STT3A: variants seen among roughly 807,000 people sequenced by gnomAD.
STT3A encodes the protein dolichyl-diphosphooligosaccharide--protein glycosyltransferase subunit STT3A.
In STT3A, 34 loss-of-function variants were observed where a neutral mutation model predicts 89.2. The ratio of observed to expected loss-of-function variants is 0.38; its 90% CI spans 0.29 to 0.51. The LOEUF is 0.51. Ranked by LOEUF, STT3A falls within the 20% of genes least tolerant of loss-of-function variation. The pLI is 0.89. For synonymous variants in STT3A, 282 were observed against 310.3 expected (o/e 0.91, Z 0.96); for missense variants, 555 against 889.5 (o/e 0.62, Z 4.78).
At position 125,620,845 on chromosome 11, in the gene STT3A, G is replaced by A. The variant is rs758313015; in HGVS notation, c.*35G>A. 1 of 1,536,100 alleles carries A rather than the reference G, an allele frequency of 6.5e-7. No homozygotes were observed. Among genetic ancestry groups the A allele is most frequent in the South Asian group, 1.2e-5 (1 of 85,324 alleles). ...CCAGCTCTGATATGCTTCGCACTGA[G>A]CACATCACATTTAGGACGTTGAAGA... On this transcript the variant is annotated 3_prime_UTR_variant, in exon 18 of 18. Coordinates refer to ENST00000392708, the MANE Select transcript of STT3A (RefSeq NM_152713.5).
chr11:125,596,340 C>T (rs1939496120), intron 2 of STT3A, among the ~76,000 whole-genome samples: 1 of 152,128 alleles, frequency 6.6e-6, no homozygotes, highest in Admixed American at 6.5e-5. Context: ...TGGTGGATGC[C>T]TGTATTCCCA....
In STT3A at chr11:125,619,726, A is replaced by G. The variant is rs540723; in HGVS notation, c.1964-285A>G. On this transcript the variant is annotated intron_variant, in intron 16 of 17. Transcript: ENST00000392708. ...GGGTTGCTAGTGTATTAGAGGCTCT[A>G]AATGACAATCCTCAGGAATAGAGGG... is the stretch of plus-strand genomic sequence containing the variant. Among the ~76,000 whole-genome samples, 131,075 of 152,094 alleles carry G rather than the reference A, an allele frequency of 0.86. 56,579 individuals are homozygous for G. Among genetic ancestry groups the G allele is most frequent in the South Asian group, 0.95 (4,598 of 4,820 alleles).
chr11:125,592,594 C>G, upstream of STT3A: 4 of 425,786 alleles, frequency 9.4e-6, no homozygotes, highest in Non-Finnish European at 1.4e-5. Context: ...GGCCCTCAAC[C>G]AAACTGCTTG....
At chr11:125,612,140 T>G (rs1940044441) in intron 11 of STT3A, among the ~76,000 whole-genome samples, 1 of 152,088 alleles carries the variant, frequency 6.6e-6, no homozygotes, top group Non-Finnish European at 1.5e-5. Context: ...CCTCCCAAAG[T>G]GCTGGGATTA....
At chr11:125,609,856 C>T (rs914418846) in intron 10 of STT3A, 9 of 396,386 alleles carry the variant, frequency 2.3e-5, no homozygotes, top group African/African-American at 8.3e-5. Context: ...ATTTTTACTC[C>T]GGTTTTGTTT....
At chr11:125,610,418 G>T (rs1939969470) in intron 10 of STT3A, among the ~76,000 whole-genome samples, 1 of 152,086 alleles carries the variant, frequency 6.6e-6, no homozygotes, top group Non-Finnish European at 1.5e-5. Flanking sequence ...AAAAATATAT[G>T]TAAATAAATA....
At chr11:125,607,712 G>A (rs1373626848) in intron 8 of STT3A, among the ~76,000 whole-genome samples, 1 of 152,250 alleles carries the variant, frequency 6.6e-6, no homozygotes, top group Non-Finnish European at 1.5e-5. Flanking sequence ...GAATGATTAA[G>A]TGCTAGAAGA....
chr11:125,597,042 C>T lies in STT3A; in HGVS notation c.89-17C>T, dbSNP rs758759795. On this transcript the variant is annotated splice_polypyrimidine_tract_variant and intron_variant, in intron 2 of 17. Coordinates refer to ENST00000392708, the MANE Select transcript of STT3A (RefSeq NM_152713.5). ...TGGCACATTACCAATAAAATATTAA[C>T]TCTCTGGTTTTTGCAGCCTTCTCCA... 14 of 1,613,784 alleles carry T rather than the reference C, an allele frequency of 8.7e-6. No individual in the cohort carries two copies. In the South Asian group the frequency reaches 1.5e-4, roughly 18 times the overall value.
At chr11:125,619,832 C>T (rs1190981753) in intron 16 of STT3A, among the ~76,000 whole-genome samples, 179 bp from the exon 17 acceptor site, 1 of 152,154 alleles carries the variant, frequency 6.6e-6, no homozygotes, top group African/African-American at 2.4e-5. Flanking sequence ...AGAACTTAAG[C>T]TAGGGTAACA....
intron 6 of STT3A, among the ~76,000 whole-genome samples, chr11:125,605,097 T>G (rs554026031): frequency 3.5e-4 from 50 of 144,804 alleles, no homozygotes; most frequent in Admixed American, 8.2e-4. Flanking sequence ...AGACCCTGTT[T>G]TTGTTGTTGT....
At chr11:125,592,623 C>A, upstream of STT3A, 1 of 391,876 alleles carries the variant, frequency 2.6e-6, no homozygotes, top group South Asian at 1.9e-5. Flanking sequence ...TCTTTCCGCG[C>A]TCTTGACTCC....
Position 125,604,212 on chromosome 11 carries a change from T to A in STT3A, c.473T>A (p.Ile158Asn). The change falls in exon 6 of 18, where the codon ATC becomes AAC. Residue 158 changes from isoleucine to asparagine, a missense_variant. This residue lies in a region of STT3A where 129 missense variants were observed against 193.2 expected (regional missense o/e 0.67). Transcript: ENST00000392708. ...AAMIAVVPGY[I>N]SRSVAGSYDN... is the part of the protein sequence containing the mutation. ...ATGATTGCTGTAGTTCCTGGATATA[T>A]CTCCCGATCTGTGGCTGGCTCCTAT... The A allele has an allele frequency of 6.2e-7, 1 of 1,614,064 alleles. No individual in the cohort carries two copies. The highest frequency in any genetic ancestry group is 8.5e-7 in the Non-Finnish European group (1 of 1,179,954).
chr11:125,618,434 C>G lies in STT3A; in HGVS notation c.1836C>G (p.Ile612Met). The G allele has an allele frequency of 6.2e-7, 1 of 1,613,382 alleles. No homozygotes were observed. Among genetic ancestry groups the G allele is most frequent in the Non-Finnish European group, 8.5e-7 (1 of 1,179,926 alleles). Reference protein sequence around the residue: ...IGGSTDTGKHIKENDYYTPTG... With the variant: ...IGGSTDTGKHMKENDYYTPTG... ...GGAGCACAGATACAGGCAAACATAT[C>G]AAGGAGAATGACTATTATACTCCAA... Residue 612 changes from isoleucine to methionine, a missense_variant, in exon 16 of 18, where the codon ATC becomes ATG. Physicochemically the swap from Ile to Met is conservative, Grantham distance 10. Around this residue, in one of 5 missense-constraint regions of STT3A, gnomAD observed 273 missense variants for 449.8 expected, o/e 0.61. Transcript: ENST00000392708.
rs1173346328 is a variant in STT3A, at chr11:125,606,287, C to T, written c.616-14C>T. On this transcript the variant is annotated splice_polypyrimidine_tract_variant and intron_variant, in intron 7 of 17. Transcript: ENST00000392708. ...GCATACTCAGAGGAACTGTTTTTTT[C>T]TATTCCATCATAGGTCTCGTCATGG... 6.2e-7 allele frequency: 1 copy of T among 1,607,428 alleles called. No individual in the cohort carries two copies.
At chr11:125,597,950 A>G (rs887517170) in intron 3 of STT3A, among the ~76,000 whole-genome samples, 1 of 152,206 alleles carries the variant, frequency 6.6e-6, no homozygotes, top group African/African-American at 2.4e-5. Flanking sequence ...ACGGTGGCTC[A>G]CGCCTGTAAT....
intron 16 of STT3A, 123 bp downstream of exon 16, chr11:125,618,684 C>A: frequency 1.1e-6 from 1 of 951,984 alleles, no homozygotes; most frequent in Non-Finnish European, 1.5e-6. Context: ...ATCCTCACAG[C>A]AACCCCAAAG....
Position 125,606,320 on chromosome 11 carries a change from A to T in STT3A, c.635A>T (p.Tyr212Phe). The T allele has an allele frequency of 6.2e-7, 1 of 1,613,742 alleles. No homozygotes were observed. Among genetic ancestry groups the T allele is most frequent in the South Asian group, 1.1e-5 (1 of 91,028 alleles). Reference protein sequence around the residue: ...YFYMVSSWGGYVFLINLIPLH... With the variant: ...YFYMVSSWGGFVFLINLIPLH... ...TCATAGGTCTCGTCATGGGGAGGTT[A>T]TGTGTTCCTGATCAACTTAATTCCT... The change falls in exon 8 of 18, where the codon TAT (tyrosine) becomes TTT (phenylalanine). Residue 212 changes from tyrosine to phenylalanine, a missense_variant. Physicochemically the swap from Tyr to Phe is conservative, Grantham distance 22. This residue lies in a region of STT3A where 149 missense variants were observed against 206.2 expected (regional missense o/e 0.72). Transcript: ENST00000392708.
intron 1 of STT3A, chr11:125,593,854 A>T (rs1939397923): frequency 8.6e-6 from 1 of 115,708 alleles, no homozygotes; most frequent in Non-Finnish European, 2.1e-5. Flanking sequence ...CACCTAGTCC[A>T]GTGTTGTTGT....
chr11:125,602,196 C>A (rs1939703760), intron 3 of STT3A, 107 bp from the exon 4 acceptor site: 4 of 1,298,824 alleles, frequency 3.1e-6, no homozygotes, highest in Middle Eastern at 2.2e-4. Context: ...GGCATAATAT[C>A]TGATGTTAAA....
Sources: gnomAD v4.1 joint callset for allele counts (sites outside exome capture counted in the v4.1 genomes callset) on GRCh38, gnomAD v4.1.1 for gene constraint, gnomAD v4.1.1 regional missense constraint, MANE v1.5 for transcripts, NCBI Gene and HGNC (gene_info 2026-07-23, HGNC 2026-07-21) for gene names.